ABCA4: variants seen among roughly 807,000 people sequenced by gnomAD.
ABCA4 encodes retinal-specific phospholipid-transporting ATPase ABCA4.
Under a neutral mutation model 263.7 loss-of-function variants are expected in ABCA4, and 196 were observed. The observed-to-expected ratio is 0.74, with a 90% CI of 0.66 to 0.84. The LOEUF (loss-of-function observed/expected upper bound fraction) is 0.84. Ranked by LOEUF, ABCA4 falls within the 40% of genes least tolerant of loss-of-function variation. The probability of loss-of-function intolerance (pLI) is 0.00; values close to 1 mark genes in which losing one functional copy is unlikely to be tolerated. For missense variants in ABCA4, 2,792 were observed against 2,855.1 expected (o/e 0.98, Z 0.50); for synonymous variants, 1,133 against 1,094.2 (o/e 1.04, Z -0.70).
At chr1:94,030,342 C>T in intron 29 of ABCA4, 86 bp downstream of exon 29, 2 of 1,188,272 alleles carry the variant, frequency 1.7e-6, no homozygotes, top group Non-Finnish European at 2.5e-6. Flanking sequence ...TGAGTGGGGC[C>T]TCCCCAACGC....
chr1:94,007,570 C>T, intron 43 of ABCA4, 64 bp downstream of exon 43: 42 of 1,415,078 alleles, frequency 3.0e-5, no homozygotes, highest in Non-Finnish European at 4.0e-5. Flanking sequence ...TGATGATCAC[C>T]CTTCCTATTC....
At chr1:94,024,257 G>A (rs545274569) in intron 31 of ABCA4, among the ~76,000 whole-genome samples, 32 of 152,258 alleles carry the variant, frequency 2.1e-4, no homozygotes, top group African/African-American at 7.7e-4. Context: ...CGCTTCCTTA[G>A]GATCCTCTCT....
chr1:94,101,585 C>T (rs1032673745), intron 5 of ABCA4, among the ~76,000 whole-genome samples: 2 of 152,224 alleles, frequency 1.3e-5, no homozygotes, highest in African/African-American at 2.4e-5. Context: ...TCCCTCACTC[C>T]TCTGGACTCA....
At chr1:94,077,559 T>C (rs1299908378) in intron 11 of ABCA4, 131 bp downstream of exon 11, 2 of 821,940 alleles carry the variant, frequency 2.4e-6, no homozygotes, top group African/African-American at 1.7e-5. Context: ...ACAGGGGATG[T>C]AGGGATTCTT....
Position 94,077,896 on chromosome 1 carries a change from G to A in ABCA4, c.1357-9C>T. The A allele has an allele frequency of 6.2e-7, 1 of 1,610,718 alleles. No individual in the cohort carries two copies. Among genetic ancestry groups the A allele is most frequent in the Non-Finnish European group, 8.5e-7 (1 of 1,176,936 alleles). ...GGGTTCCCCAGGGTATCCTTGGGAA[G>A]AAGAAATACAGTCACTGCTCTGCTT... On this transcript the variant is annotated splice_polypyrimidine_tract_variant and intron_variant, in intron 10 of 49. Transcript: ENST00000370225.
chr1:94,115,338 A>G (rs924734530), intron 1 of ABCA4, among the ~76,000 whole-genome samples: 7 of 152,132 alleles, frequency 4.6e-5, no homozygotes, highest in African/African-American at 1.7e-4. Flanking sequence ...TCTATCTGGG[A>G]GAGGTCTGGT....
At chr1:94,072,707 A>G (rs920755132) in intron 11 of ABCA4, among the ~76,000 whole-genome samples, 2 of 152,162 alleles carry the variant, frequency 1.3e-5, no homozygotes, top group Admixed American at 1.3e-4. Context: ...ATTTGGAGAA[A>G]AGGGTGATTG....
intron 15 of ABCA4, 60 bp downstream of exon 15, chr1:94,056,541 C>A (rs938908024): frequency 2.6e-6 from 4 of 1,555,280 alleles, no homozygotes; most frequent in South Asian, 1.1e-5. Context: ...GCCTCCAGGA[C>A]TGCTACGGAC....
At chr1:94,066,844 T>G (rs1433198917) in intron 11 of ABCA4, among the ~76,000 whole-genome samples, 1 of 152,250 alleles carries the variant, frequency 6.6e-6, no homozygotes, top group Admixed American at 6.5e-5. Context: ...TTGTTCTATA[T>G]CTGCCCTGTC....
Position 94,001,934 on chromosome 1 carries a change from C to A in ABCA4, c.6206G>T (p.Gly2069Val). 6.2e-7 allele frequency: 1 copy of A among 1,614,180 alleles called. No homozygotes were observed. Among genetic ancestry groups the A allele is most frequent in the South Asian group, 1.1e-5 (1 of 91,088 alleles). ...GLTVYADCLA[G>V]TYSGGNKRKL... Reference sequence around the variant, plus strand: ...CCGCTTGTTGCCCCCACTGTACGTGCCAGCCAGGCAGTCGGCGTAGACAGT... The same window carrying A: ...CCGCTTGTTGCCCCCACTGTACGTGACAGCCAGGCAGTCGGCGTAGACAGT... Residue 2069 changes from glycine to valine, a missense_variant, in exon 45 of 50, where the codon GGC becomes GTC. By Grantham distance (109) the Gly-to-Val change is moderately radical. Coordinates refer to ENST00000370225, the MANE Select transcript of ABCA4 (RefSeq NM_000350.3).
In ABCA4 at chr1:94,121,014, A is replaced by G. The variant is rs62645946; in HGVS notation, c.32T>C (p.Leu11Pro). 4.3e-6 allele frequency: 7 copies of G among 1,613,874 alleles called. No homozygotes were observed. Among genetic ancestry groups the G allele is most frequent in the Admixed American group, 1.7e-5 (1 of 59,962 alleles). ...TTTCCGCAGGGTCCAGTTCTTCCAG[A>G]GCAAAAGCTGTATCTGTCTCACGAA... Reference protein sequence around the residue: MGFVRQIQLLLWKNWTLRKRQ... With the variant: MGFVRQIQLLPWKNWTLRKRQ... Residue 11 changes from leucine (L) to proline (P), a missense_variant, in exon 1 of 50, where the codon CTC becomes CCC. Leu to Pro is a moderately conservative substitution (Grantham distance 98). Transcript: ENST00000370225.
At chr1:93,994,577 T>C (rs540115381) in intron 49 of ABCA4, among the ~76,000 whole-genome samples, 1 of 152,344 alleles carries the variant, frequency 6.6e-6, no homozygotes, top group Admixed American at 6.5e-5. Context: ...AACAATAATA[T>C]ACTTACTATT....
chr1:94,027,567 G>C (rs980181220), intron 30 of ABCA4, among the ~76,000 whole-genome samples: 18 of 152,314 alleles, frequency 1.2e-4, no homozygotes, highest in African/African-American at 4.3e-4. Context: ...GTGATTCAAA[G>C]AGAGAAAATA....
intron 1 of ABCA4, among the ~76,000 whole-genome samples, chr1:94,114,677 C>T (rs12035820): frequency 0.21 from 31,282 of 151,900 alleles, 3,281 homozygotes; most frequent in Middle Eastern, 0.23. Context: ...TTAGTAGAGA[C>T]GGGGTTTCAC....
chr1:94,019,912 A>C (rs981282935), intron 35 of ABCA4, among the ~76,000 whole-genome samples, 153 bp from the exon 36 acceptor site: 1 of 152,094 alleles, frequency 6.6e-6, no homozygotes, highest in African/African-American at 2.4e-5. Context: ...CACTCCACTA[A>C]ACTGTCTTAA....
chr1:94,078,699 G>T lies in ABCA4; in HGVS notation c.1247C>A (p.Ser416Ter). Residue 416 changes from serine to a stop codon, truncating the protein, a stop_gained, in exon 10 of 50, where the codon TCA becomes TAA. Transcript: ENST00000370225. LOFTEE classifies it high-confidence loss of function. ...AACGTGTTCCAGTTCTTCAAAAGTTGAGTTGGCCTAAAACCAGACAGAGAT... is the reference window on the plus strand; with the variant it reads ...AACGTGTTCCAGTTCTTCAAAAGTTTAGTTGGCCTAAAACCAGACAGAGAT... ...AARRILKNAN[S>*]TFEELEHVRK... The T allele has an allele frequency of 6.2e-7, 1 of 1,612,140 alleles. No individual in the cohort carries two copies. Among genetic ancestry groups the T allele is most frequent in the Non-Finnish European group, 8.5e-7 (1 of 1,178,318 alleles).
chr1:94,028,734 C>T (rs1364239118), intron 30 of ABCA4, among the ~76,000 whole-genome samples: 2 of 151,562 alleles, frequency 1.3e-5, no homozygotes, highest in Admixed American at 6.6e-5. Context: ...TGGTAAAACC[C>T]CATCTGTACT....
Position 94,031,872 on chromosome 1 carries a change from T to C in ABCA4, c.4034A>G (p.Asn1345Ser), listed in dbSNP as rs1253110874. 8.7e-6 allele frequency: 14 copies of C among 1,614,106 alleles called. No homozygotes were observed. The highest frequency in any genetic ancestry group is 6.7e-5 in the East Asian group (3 of 44,898). The change falls in exon 27 of 50, where the codon AAC (asparagine) becomes AGC (serine). Residue 1345 changes from asparagine to serine, a missense_variant. By Grantham distance (46) the Asn-to-Ser change is conservative. Transcript: ENST00000370225. ...CTGGAGGACCAGCTGTGTCCCCGTG[T>C]TGAGCTGCGGGCCTGGGCACTCTGG... ...PEPECPGPQL[N>S]TGTQLVLQHV...
rs11805625 is a variant in ABCA4, at chr1:94,002,234, G to C, written c.6148-242C>G. ...TGCTCAGCATCTGTTGGGTGTAGCC[G>C]CCTGGGAAATGGACTTCAGCCTTAC... On this transcript the variant is annotated intron_variant, in intron 44 of 49. Coordinates refer to ENST00000370225, the MANE Select transcript of ABCA4 (RefSeq NM_000350.3). 0.13 allele frequency among the ~76,000 whole-genome samples: 19,420 copies of C among 152,162 alleles called. 2,084 individuals carry two copies. Among genetic ancestry groups the C allele is most frequent in the African/African-American group, 0.29 (12,161 of 41,500 alleles).
Sources: gnomAD v4.1 joint callset for allele counts (sites outside exome capture counted in the v4.1 genomes callset) on GRCh38, gnomAD v4.1.1 for gene constraint, MANE v1.5 for transcripts, NCBI Gene and HGNC (gene_info 2026-07-23, HGNC 2026-07-21) for gene names.